SSBP2: variants seen among roughly 807,000 people sequenced by gnomAD.
SSBP2 encodes single stranded DNA binding protein 2.
A neutral mutation model predicts 61.8 loss-of-function variants in SSBP2; 17 were observed. That is an observed-to-expected ratio of 0.28 (90% CI 0.19 to 0.41). The LOEUF (loss-of-function observed/expected upper bound fraction) is 0.41, where lower values mean the gene tolerates loss of function less well. Ranked by LOEUF, SSBP2 falls within the 10% of genes least tolerant of loss-of-function variation. The probability of loss-of-function intolerance (pLI) is 1.00; values close to 1 mark genes in which losing one functional copy is unlikely to be tolerated. For missense variants in SSBP2, 310 were observed against 458.7 expected, an observed-to-expected ratio of 0.68 and a Z score of 2.96; for synonymous variants, 139 against 141.3, an observed-to-expected ratio of 0.98 and a Z score of 0.12.
chr5:81,692,246 A>C (rs1232573433), intron 1 of SSBP2, among the ~76,000 whole-genome samples: 1 of 152,196 alleles, frequency 6.6e-6, no homozygotes, highest in African/African-American at 2.4e-5. Flanking sequence ...TCAAGAAAGT[A>C]ATCCCATTTA....
chr5:81,484,859 T>C (rs895660456), intron 6 of SSBP2, among the ~76,000 whole-genome samples: 2 of 152,178 alleles, frequency 1.3e-5, no homozygotes, highest in Non-Finnish European at 2.9e-5. Context: ...AATTCAACTT[T>C]AGAGTACAAA....
intron 4 of SSBP2, among the ~76,000 whole-genome samples, chr5:81,532,373 T>A (rs568517710): frequency 6.6e-6 from 1 of 152,102 alleles, no homozygotes; most frequent in South Asian, 2.1e-4. Context: ...TTTCTAAGTC[T>A]GAACTTTGTT....
intron 5 of SSBP2, among the ~76,000 whole-genome samples, chr5:81,495,896 A>C (rs1370811305): frequency 6.6e-6 from 1 of 152,140 alleles, no homozygotes; most frequent in African/African-American, 2.4e-5. Flanking sequence ...AAGTAAAAAA[A>C]ACCCTCTAAA....
At chr5:81,554,752 A>C (rs1301046596) in intron 4 of SSBP2, among the ~76,000 whole-genome samples, 1 of 152,128 alleles carries the variant, frequency 6.6e-6, no homozygotes, top group Non-Finnish European at 1.5e-5. Context: ...TTTGTATCCT[A>C]AGCTTTTATA....
chr5:81,452,579 T>C (rs1166826243), intron 10 of SSBP2, among the ~76,000 whole-genome samples: 1 of 152,222 alleles, frequency 6.6e-6, no homozygotes, highest in Non-Finnish European at 1.5e-5. Flanking sequence ...TTGAGGGTCA[T>C]TTCACAAAGT....
chr5:81,514,687 T>C (rs915185561), intron 4 of SSBP2, among the ~76,000 whole-genome samples: 1 of 152,026 alleles, frequency 6.6e-6, no homozygotes, highest in African/African-American at 2.4e-5. Context: ...TTCACCTATA[T>C]TTCAGTGTAT....
At chr5:81,744,622 A>C (rs13160079) in intron 1 of SSBP2, among the ~76,000 whole-genome samples, 53,415 of 151,736 alleles carry the variant, frequency 0.35, 11,592 homozygotes, top group Admixed American at 0.49. Flanking sequence ...AAAAAAAAAA[A>C]CAAAGGGCTA....
chr5:81,751,477 G>C (rs1757774890), upstream of SSBP2, among the ~76,000 whole-genome samples: 1 of 152,098 alleles, frequency 6.6e-6, no homozygotes, highest in African/African-American at 2.4e-5. Context: ...TCACTGGAGA[G>C]AAGGCGCCGG....
chr5:81,651,607 C>G (rs1379786454), intron 1 of SSBP2, among the ~76,000 whole-genome samples: 1 of 152,102 alleles, frequency 6.6e-6, no homozygotes, highest in Middle Eastern at 3.2e-3. Context: ...AATGACACTT[C>G]CTACATCAGT....
At position 81,749,190 on chromosome 5, in the gene SSBP2, TTTC is replaced by T. The variant is rs529664860; in HGVS notation, c.62+1788_62+1790del. Reference sequence around the variant, plus strand: ...AAAACTTCAATTCTAGTAACTGCCGTTTCTTAACCAGGCTATAACGCTATGTCT... The same window carrying T: ...AAAACTTCAATTCTAGTAACTGCCGTTTAACCAGGCTATAACGCTATGTCT... On this transcript the variant is annotated intron_variant, in intron 1 of 16. Coordinates refer to ENST00000320672, the MANE Select transcript of SSBP2 (RefSeq NM_012446.5). Among the ~76,000 whole-genome samples, 22 of 152,320 alleles carry T rather than the reference TTTC, an allele frequency of 1.4e-4. 1 individual carries two copies. The South Asian group carries it at 3.7e-3, about 26-fold the overall frequency.
intron 3 of SSBP2, among the ~76,000 whole-genome samples, chr5:81,625,949 C>A (rs949400503): frequency 6.6e-6 from 1 of 152,168 alleles, no homozygotes; most frequent in Admixed American, 6.5e-5. Flanking sequence ...TTCTGAGGAA[C>A]AAGCCACGTT....
In SSBP2 at chr5:81,620,492, G is replaced by A. The variant is rs899434248; in HGVS notation, c.198-4935C>T. Reference sequence around the variant, plus strand: ...ATGGAAGAACATTCCATGCTCATGGGTAGGAAGAATCAATATCGTGAAAAT... The same window carrying A: ...ATGGAAGAACATTCCATGCTCATGGATAGGAAGAATCAATATCGTGAAAAT... On this transcript the variant is annotated intron_variant, in intron 3 of 16. Transcript: ENST00000320672. 2.7e-5 allele frequency among the ~76,000 whole-genome samples: 4 copies of A among 148,912 alleles called. No individual in the cohort carries two copies. The East Asian group carries it at 6.0e-4, about 22-fold the overall frequency.
intron 4 of SSBP2, among the ~76,000 whole-genome samples, chr5:81,611,400 T>A (rs1745425865): frequency 1.3e-5 from 2 of 152,194 alleles, no homozygotes; most frequent in Non-Finnish European, 1.5e-5. Flanking sequence ...AACAAGTGGC[T>A]ATAAAAATAT....
intron 5 of SSBP2, among the ~76,000 whole-genome samples, chr5:81,492,109 A>C (rs1427147046): frequency 6.6e-6 from 1 of 152,232 alleles, no homozygotes; most frequent in Non-Finnish European, 1.5e-5. Context: ...TTTTATGGTA[A>C]AATGCTAATC....
rs1338284904 is a variant in SSBP2 at position 81,750,970 on chromosome 5, G to A, written c.62+11C>T. 4.4e-6 allele frequency: 7 copies of A among 1,588,478 alleles called. No individual in the cohort carries two copies. The highest frequency in any genetic ancestry group is 6.0e-6 in the Non-Finnish European group (7 of 1,167,424). ...TGAAGGCGGAGGTGGGTGAGAAGCGGAGACACTTACTTCTCCCGGGCCTGG... is the reference window on the plus strand; with the variant it reads ...TGAAGGCGGAGGTGGGTGAGAAGCGAAGACACTTACTTCTCCCGGGCCTGG... On this transcript the variant is annotated intron_variant, in intron 1 of 16. Transcript: ENST00000320672.
chr5:81,457,776 C>G (rs1459844761), intron 10 of SSBP2, among the ~76,000 whole-genome samples: 2 of 151,944 alleles, frequency 1.3e-5, no homozygotes, highest in East Asian at 3.9e-4. Context: ...ATTCTCCTGC[C>G]CAGCTTCCTG....
chr5:81,731,019 T>C (rs1223958019), intron 1 of SSBP2, among the ~76,000 whole-genome samples: 1 of 152,228 alleles, frequency 6.6e-6, no homozygotes, highest in African/African-American at 2.4e-5. Flanking sequence ...GAAACAGATC[T>C]CCAGAACTTT....
At chr5:81,584,741 A>T (rs1460927113) in intron 4 of SSBP2, among the ~76,000 whole-genome samples, 1 of 152,190 alleles carries the variant, frequency 6.6e-6, no homozygotes, top group South Asian at 2.1e-4. Context: ...AGAAGAATAG[A>T]TAAGAGCAAA....
At chr5:81,666,261 C>T (rs1751125145) in intron 1 of SSBP2, among the ~76,000 whole-genome samples, 1 of 152,040 alleles carries the variant, frequency 6.6e-6, no homozygotes, top group South Asian at 2.1e-4. Flanking sequence ...AAATAGATAA[C>T]TGACATACTA....
Sources: allele counts gnomAD v4.1 joint callset (sites outside exome capture counted in the v4.1 genomes callset), GRCh38; gene constraint gnomAD v4.1.1; transcripts MANE v1.5; gene names NCBI Gene and HGNC (gene_info 2026-07-23, HGNC 2026-07-21).